PTPN7: variants seen among roughly 807,000 people sequenced by gnomAD.
PTPN7 encodes the protein tyrosine-protein phosphatase non-receptor type 7.
In PTPN7, 33 loss-of-function variants were observed where a neutral mutation model predicts 50.3. The observed-to-expected ratio is 0.66, with a 90% CI of 0.50 to 0.88. The LOEUF (loss-of-function observed/expected upper bound fraction) is 0.88, where lower values mean the gene tolerates loss of function less well. PTPN7 is among the 40% of genes least tolerant of loss of function. PTPN7 has a pLI of 0.00. For synonymous variants in PTPN7, 185 were observed against 186.6 expected (o/e 0.99, Z 0.07); for missense variants, 412 against 475.4 (o/e 0.87, Z 1.24).
At position 202,154,320 on chromosome 1, in the gene PTPN7, A is replaced by T; in HGVS notation, c.472T>A (p.Tyr158Asn). 1 of 1,611,434 alleles carries T rather than the reference A, an allele frequency of 6.2e-7. No individual in the cohort carries two copies. Among genetic ancestry groups the T allele is most frequent in the Non-Finnish European group, 8.5e-7 (1 of 1,178,476 alleles). Residue 158 changes from tyrosine (Y) to asparagine (N), a missense_variant, in exon 6 of 10, where the codon TAT becomes AAT. Tyr to Asn is a moderately radical substitution (Grantham distance 143). Transcript: ENST00000691036. Reference sequence around the variant, plus strand: ...ATGTAGACCTTCTCCTTCCCGTCATAGCCCTGGAAGGTGGAAGCACAGGGG... The same window carrying T: ...ATGTAGACCTTCTCCTTCCCGTCATTGCCCTGGAAGGTGGAAGCACAGGGG... The part of the protein sequence containing the change: ...DYINANYIRG[Y>N]DGKEKVYIAT...
In PTPN7 at chr1:202,158,276, G is replaced by A. The variant is rs1396854583; in HGVS notation, c.148C>T (p.Leu50=). The change falls in exon 3 of 10, where the codon CTG becomes TTG. Residue 50 remains leucine (L), a synonymous_variant. Coordinates refer to ENST00000691036, the MANE Select transcript of PTPN7 (RefSeq NM_002832.4). ...ERRGSNVALM[L]DVRSLGAVEP... is the part of the protein sequence containing the mutation. Reference sequence around the variant, plus strand: ...ACGGCCCCCAGGGACCGAACGTCCAGCATCAGAGCCACATTGGAGCCCCGC... The same window carrying A: ...ACGGCCCCCAGGGACCGAACGTCCAACATCAGAGCCACATTGGAGCCCCGC... 1 of 1,614,018 alleles carries A rather than the reference G, an allele frequency of 6.2e-7. No homozygotes were observed. Among genetic ancestry groups the A allele is most frequent in the Non-Finnish European group, 8.5e-7 (1 of 1,180,022 alleles).
chr1:202,157,933 G>GTAGGCCTAGA, intron 3 of PTPN7, 110 bp from the exon 4 acceptor site: 1 of 1,302,636 alleles, frequency 7.7e-7, no homozygotes, highest in Non-Finnish European at 1.1e-6. Context: ...ACAATAGTAT[G>GTAGGCCTAGA]TAGGCCTAGA....
At chr1:202,161,588 T>TA (rs1427070274), upstream of PTPN7, 3 of 1,249,798 alleles carry the variant, frequency 2.4e-6, no homozygotes, top group Non-Finnish European at 3.1e-6. Context: ...TTTTACCTTG[T>TA]AACATTTCAA....
At chr1:202,152,497 A>T (rs763837180) in intron 8 of PTPN7, 45 bp downstream of exon 8, 3 of 1,592,042 alleles carry the variant, frequency 1.9e-6, no homozygotes, top group Non-Finnish European at 2.6e-6. Context: ...GGGGCAGGGG[A>T]GGGGAGCACA....
upstream of PTPN7, chr1:202,161,305 G>C: frequency 8.6e-7 from 1 of 1,167,502 alleles, no homozygotes. Context: ...ACTTGTGGGA[G>C]GGAGTCCGAG....
intron 9 of PTPN7, among the ~76,000 whole-genome samples, chr1:202,149,191 G>T (rs1655658675): frequency 6.6e-6 from 1 of 151,830 alleles, no homozygotes. Flanking sequence ...ACTCCTCATT[G>T]CTGCCCCTCA....
At chr1:202,158,044 G>T in intron 3 of PTPN7, 74 bp downstream of exon 3, 1 of 1,477,378 alleles carries the variant, frequency 6.8e-7, no homozygotes. Flanking sequence ...CAGGGTGCCC[G>T]TGAGAGAATG....
At chr1:202,156,235 G>T (rs10800816) in intron 4 of PTPN7, among the ~76,000 whole-genome samples, 91,018 of 152,034 alleles carry the variant, frequency 0.6, 27,747 homozygotes, top group South Asian at 0.8. Flanking sequence ...CAAATGGGAA[G>T]ATACAATATT....
At chr1:202,149,780 T>A (rs1356653532) in intron 9 of PTPN7, 1 of 152,470 alleles carries the variant, frequency 6.6e-6, no homozygotes, top group Non-Finnish European at 1.5e-5. Context: ...CATATCATGT[T>A]TAATTCCAGG....
At position 202,148,275 on chromosome 1, in the gene PTPN7, T is replaced by C. The variant is rs562810009; in HGVS notation, c.*331A>G. ...AGGAAACTGAAGCTCACAAAGAGTG[T>C]CTCAGAGAACACCAGGACACCTGGG... is the stretch of plus-strand genomic sequence containing the variant. On this transcript the variant is annotated 3_prime_UTR_variant, in exon 10 of 10. Transcript: ENST00000691036. 1 of 235,162 alleles carries C rather than the reference T, an allele frequency of 4.3e-6. No individual in the cohort carries two copies. Among genetic ancestry groups the C allele is most frequent in the African/African-American group, 2.2e-5 (1 of 44,642 alleles). The allele number at this position is 235,162 out of a possible 1,614,324, so 14.6% of individuals were successfully genotyped here.
intron 2 of PTPN7, 100 bp from the exon 3 acceptor site, chr1:202,158,401 C>T: frequency 7.6e-7 from 1 of 1,315,252 alleles, no homozygotes; most frequent in Non-Finnish European, 1.0e-6. Context: ...TCTCTGTTGC[C>T]CAGGTCTGGA....
chr1:202,156,939 C>T (rs1351953107), intron 4 of PTPN7, among the ~76,000 whole-genome samples: 1 of 152,194 alleles, frequency 6.6e-6, no homozygotes, highest in Non-Finnish European at 1.5e-5. Context: ...TGTCCTCCCT[C>T]CCCGCCTCCA....
intron 9 of PTPN7, among the ~76,000 whole-genome samples, chr1:202,149,522 C>T (rs1235409539): frequency 6.6e-6 from 1 of 152,094 alleles, no homozygotes; most frequent in Non-Finnish European, 1.5e-5. Flanking sequence ...GGGGGCTGGG[C>T]ACAGTGGCTT....
intron 9 of PTPN7, among the ~76,000 whole-genome samples, chr1:202,149,353 G>C (rs1655673293): frequency 6.6e-6 from 1 of 152,190 alleles, no homozygotes; most frequent in South Asian, 2.1e-4. Flanking sequence ...TGAGCCTCAA[G>C]TTTCCTTCTT....
Position 202,148,566 on chromosome 1 carries a change from G to C in PTPN7, c.*40C>G, listed in dbSNP as rs1377630139. The C allele has an allele frequency of 1.3e-6, 2 of 1,571,242 alleles. No individual in the cohort carries two copies. The highest frequency in any genetic ancestry group is 2.2e-5 in the South Asian group (2 of 89,736). ...TCCCCAGACCCACCTTCCCAGGCTT[G>C]AGGGAGGTAGGCACCTGGGCCACCG... On this transcript the variant is annotated 3_prime_UTR_variant, in exon 10 of 10. Transcript: ENST00000691036.
At chr1:202,160,676 C>T (rs1319251908), upstream of PTPN7, 15 of 1,550,474 alleles carry the variant, frequency 9.7e-6, no homozygotes, top group Non-Finnish European at 1.1e-5. The surrounding 1 kb of genome is among the most constrained non-coding windows in gnomAD (Gnocchi z 4.8). Context: ...CCCACGCACA[C>T]CCCAGCTGCA....
In PTPN7 at chr1:202,153,780, C is replaced by G. The variant is rs752710810; in HGVS notation, c.662G>C (p.Arg221Pro). ...EEETYGPFQIRIQDMKECPEY... is the reference protein window; with the variant it reads ...EEETYGPFQIPIQDMKECPEY... ...TGGGCACTCTTTCATGTCCTGGATG[C>G]GGATCTGGAAGGGTCCATAGGTTTC... Residue 221 changes from arginine (R) to proline (P), a missense_variant, in exon 7 of 10, where the codon CGC becomes CCC. Transcript: ENST00000691036. The G allele has an allele frequency of 1.2e-6, 2 of 1,614,056 alleles. No individual in the cohort carries two copies. The highest frequency in any genetic ancestry group is 2.2e-5 in the East Asian group (1 of 44,888).
At position 202,153,716 on chromosome 1, in the gene PTPN7, G is replaced by A. The variant is rs769238909; in HGVS notation, c.717+9C>T. ...CTTCCCACTGGGCCTGGCTCCGGGG[G>A]GGTGGTACCTGGATGGTGAGCTGCC... On this transcript the variant is annotated intron_variant, in intron 7 of 9. Transcript: ENST00000691036. The A allele has an allele frequency of 1.1e-5, 17 of 1,609,620 alleles. No individual in the cohort carries two copies. In the South Asian group the frequency reaches 1.8e-4, roughly 17 times the overall value.
intron 3 of PTPN7, 67 bp from the exon 4 acceptor site, chr1:202,157,890 C>T (rs1461939093): frequency 1.3e-6 from 2 of 1,511,852 alleles, no homozygotes; most frequent in African/African-American, 1.4e-5. Context: ...CTACCTTTTT[C>T]TAGAACAGCT....
Sources: gnomAD v4.1 joint callset for allele counts (sites outside exome capture counted in the v4.1 genomes callset) on GRCh38, gnomAD v4.1.1 for gene constraint, Gnocchi (gnomAD v3.1) non-coding constraint, MANE v1.5 for transcripts, NCBI Gene and HGNC (gene_info 2026-07-23, HGNC 2026-07-21) for gene names.